Variants in BET1 observed in about 807,000 individuals in gnomAD.
The protein encoded by BET1 is BET1 homolog.
A neutral mutation model predicts 13.9 loss-of-function variants in BET1; 9 were observed. The ratio of observed to expected loss-of-function variants is 0.65; its 90% CI spans 0.39 to 1.13. The LOEUF is 1.13. BET1 is among the 50% of genes most tolerant of loss of function. The probability of loss-of-function intolerance (pLI) is 0.01; values close to 1 mark genes in which losing one functional copy is unlikely to be tolerated. For synonymous variants in BET1, 39 were observed against 47.3 expected, an observed-to-expected ratio of 0.82 and a Z score of 0.72; for missense variants, 127 against 133.6, an observed-to-expected ratio of 0.95 and a Z score of 0.24.
rs1795699486 is a variant in BET1 at position 93,993,984 on chromosome 7, T to C, written c.*246A>G. On this transcript the variant is annotated 3_prime_UTR_variant, in exon 4 of 4. Transcript: ENST00000222547. ...GTTGGCAAACAATAGAAAAACAAACTGGAAATTAGTGGAGCCACACCCTCT... is the reference window on the plus strand; with the variant it reads ...GTTGGCAAACAATAGAAAAACAAACCGGAAATTAGTGGAGCCACACCCTCT... 3.9e-6 allele frequency: 6 copies of C among 1,529,484 alleles called. No homozygotes were observed. In the Admixed American group the frequency reaches 1.0e-4, roughly 25 times the overall value. 94.7% of individuals were successfully genotyped at this position (1,529,484 alleles called of 1,614,324 possible).
chr7:93,990,830 T>C (rs936398378), downstream of BET1, among the ~76,000 whole-genome samples: 4 of 152,124 alleles, frequency 2.6e-5, no homozygotes, highest in East Asian at 1.9e-4. Context: ...ATCTAGTATA[T>C]GCTTGTTTTT....
intron 6 of BET1, among the ~76,000 whole-genome samples, chr7:93,968,555 G>T (rs986882501): frequency 6.6e-6 from 1 of 151,734 alleles, no homozygotes; most frequent in Non-Finnish European, 1.5e-5. Flanking sequence ...ATCATTATTT[G>T]TATGCTTTAT....
intron 1 of BET1, 143 bp from the exon 2 acceptor site, chr7:93,999,437 A>T: frequency 3.7e-6 from 4 of 1,073,058 alleles, no homozygotes; most frequent in Non-Finnish European, 5.2e-6. Context: ...GAATTTAAAA[A>T]ATAAATAACC....
At chr7:93,991,748 G>T, downstream of BET1, 1 of 927,524 alleles carries the variant, frequency 1.1e-6, no homozygotes, top group Non-Finnish European at 1.3e-6. Context: ...CATAGCCTTT[G>T]GTCTTAGCCA....
downstream of BET1, among the ~76,000 whole-genome samples, chr7:93,991,413 C>G (rs1237991919): frequency 6.6e-6 from 1 of 152,062 alleles, no homozygotes; most frequent in Non-Finnish European, 1.5e-5. Flanking sequence ...AAACACTTAC[C>G]AACATAACCA....
chr7:93,968,712 C>T (rs917621191), intron 6 of BET1, among the ~76,000 whole-genome samples: 2 of 151,722 alleles, frequency 1.3e-5, no homozygotes, highest in Non-Finnish European at 3.0e-5. Context: ...GCTTTTGTCA[C>T]ACTACACTCT....
intron 6 of BET1, among the ~76,000 whole-genome samples, chr7:93,966,247 T>A (rs1795170487): frequency 6.6e-6 from 1 of 152,018 alleles, no homozygotes; most frequent in Non-Finnish European, 1.5e-5. Context: ...CTTCATATCA[T>A]CCCTCTTCTC....
chr7:93,985,690 C>T (rs914390218), intron 4 of BET1, among the ~76,000 whole-genome samples: 1 of 152,154 alleles, frequency 6.6e-6, no homozygotes, highest in African/African-American at 2.4e-5. Context: ...CAGAACATCA[C>T]CTCATATACT....
chr7:93,972,216 A>G (rs1795268586), intron 6 of BET1, among the ~76,000 whole-genome samples: 1 of 151,872 alleles, frequency 6.6e-6, no homozygotes, highest in Non-Finnish European at 1.5e-5. Flanking sequence ...CTGTGTAACA[A>G]TGTCACAACA....
At chr7:93,999,030 G>T (rs1795833657) in intron 2 of BET1, 140 bp downstream of exon 2, 1 of 534,572 alleles carries the variant, frequency 1.9e-6, no homozygotes, top group Non-Finnish European at 2.8e-6. Flanking sequence ...TCTAAATTTT[G>T]AGTGTACTTT....
At chr7:93,970,298 C>A (rs1795240729) in intron 6 of BET1, among the ~76,000 whole-genome samples, 1 of 151,680 alleles carries the variant, frequency 6.6e-6, no homozygotes, top group African/African-American at 2.4e-5. Flanking sequence ...ATTCAGGTAG[C>A]CCCTGGAACA....
intron 1 of BET1, 85 bp downstream of exon 1, chr7:94,004,113 A>G: frequency 6.3e-7 from 1 of 1,594,028 alleles, no homozygotes; most frequent in Non-Finnish European, 8.6e-7. Context: ...AAATGCCAGG[A>G]ACATAAGACA....
At chr7:93,991,113 C>T (rs62466705), downstream of BET1, among the ~76,000 whole-genome samples, 42,385 of 151,852 alleles carry the variant, frequency 0.28, 7,085 homozygotes, top group East Asian at 0.46. Flanking sequence ...AGGAAAAGAA[C>T]GGAGGAAGCC....
At chr7:93,968,977 G>A (rs1156722639) in intron 6 of BET1, among the ~76,000 whole-genome samples, 1 of 151,724 alleles carries the variant, frequency 6.6e-6, no homozygotes, top group Non-Finnish European at 1.5e-5. Context: ...TTCCCCATCC[G>A]TTCACCAGTG....
intron 1 of BET1, among the ~76,000 whole-genome samples, chr7:94,000,673 T>G (rs976694712): frequency 6.6e-5 from 10 of 151,988 alleles, no homozygotes; most frequent in Non-Finnish European, 1.5e-4. Context: ...TAATCTATAG[T>G]TGGAAGCTTA....
intron 4 of BET1, among the ~76,000 whole-genome samples, chr7:93,980,322 A>C (rs1204280882): frequency 6.6e-6 from 1 of 152,084 alleles, no homozygotes; most frequent in East Asian, 1.9e-4. Context: ...ACTATTTTTT[A>C]ACAACAACAA....
Position 93,993,566 on chromosome 7 carries a change from A to G in BET1, c.*664T>C. 9.5e-7 allele frequency: 1 copy of G among 1,055,180 alleles called. No individual in the cohort carries two copies. Among genetic ancestry groups the G allele is most frequent in the Non-Finnish European group, 1.1e-6 (1 of 873,646 alleles). 65.4% of individuals were successfully genotyped at this position (1,055,180 alleles called of 1,614,324 possible). On this transcript the variant is annotated 3_prime_UTR_variant, in exon 4 of 4. Coordinates refer to ENST00000222547, the MANE Select transcript of BET1 (RefSeq NM_005868.6). ...TATAAGCCAAGTCAAGAGAATTCAT[A>G]AAGTTAATATGAAATAATAACTATA...
chr7:94,003,395 C>A lies in BET1; in HGVS notation c.19+803G>T, dbSNP rs185218839. Among the ~76,000 whole-genome samples the A allele has an allele frequency of 7.3e-5, 11 of 150,420 alleles. No homozygotes were observed. The East Asian group carries it at 2.1e-3, about 29-fold the overall frequency. ...TTATAATGACTGAGAAAGGTAATATCTTTTTTCAAATGTTTCATTTATTTT... is the reference window on the plus strand; with the variant it reads ...TTATAATGACTGAGAAAGGTAATATATTTTTTCAAATGTTTCATTTATTTT... On this transcript the variant is annotated intron_variant, in intron 1 of 3. Coordinates refer to ENST00000222547, the MANE Select transcript of BET1 (RefSeq NM_005868.6).
chr7:93,968,674 C>A (rs1252435273), intron 6 of BET1, among the ~76,000 whole-genome samples: 1 of 151,672 alleles, frequency 6.6e-6, no homozygotes, highest in Non-Finnish European at 1.5e-5. Context: ...TATGTGCACC[C>A]AATTATCTAA....
Sources: allele counts gnomAD v4.1 joint callset (sites outside exome capture counted in the v4.1 genomes callset), GRCh38; gene constraint gnomAD v4.1.1; transcripts MANE v1.5; gene names NCBI Gene and HGNC (gene_info 2026-07-23, HGNC 2026-07-21).